RSRC1: variants seen among roughly 807,000 people sequenced by gnomAD.
The protein encoded by RSRC1 is serine/Arginine-related protein 53.
A neutral mutation model predicts 49.1 loss-of-function variants in RSRC1; 39 were observed. The ratio of observed to expected loss-of-function variants is 0.79; its 90% CI spans 0.61 to 1.04. The LOEUF (loss-of-function observed/expected upper bound fraction) is 1.04. RSRC1 is among the 50% of genes least tolerant of loss of function. The probability of loss-of-function intolerance (pLI) is 0.00; values close to 1 mark genes in which losing one functional copy is unlikely to be tolerated. For missense variants in RSRC1, 388 were observed against 402.4 expected, an observed-to-expected ratio of 0.96 and a Z score of 0.31; for synonymous variants, 143 against 130.8, an observed-to-expected ratio of 1.09 and a Z score of -0.63.
intron 3 of RSRC1, among the ~76,000 whole-genome samples, chr3:158,182,136 A>C (rs962681419): frequency 1.3e-5 from 2 of 152,110 alleles, no homozygotes; most frequent in African/African-American, 4.8e-5. Context: ...TTAAGTTCAT[A>C]ATGAAAAGAA....
intron 5 of RSRC1, among the ~76,000 whole-genome samples, chr3:158,330,888 TA>T (rs11303833): frequency 0.89 from 128,822 of 144,252 alleles, 57,606 homozygotes; most frequent in East Asian, 0.99. Flanking sequence ...GGTAACTTAT[TA>T]AAAAAAAAAA....
At position 158,225,675 on chromosome 3, in the gene RSRC1, T is replaced by A. The variant is rs1182966439; in HGVS notation, c.494+22430T>A. Reference sequence around the variant, plus strand: ...CTCACAGATTTCACCAAAAGAATTGTGAGAGGAAAAAGAAACTTACATCTA... The same window carrying A: ...CTCACAGATTTCACCAAAAGAATTGAGAGAGGAAAAAGAAACTTACATCTA... On this transcript the variant is annotated intron_variant, in intron 4 of 9. Transcript: ENST00000611884. The A allele has an allele frequency of 8.8e-6, 4 of 453,106 alleles. No homozygotes were observed. In the Admixed American group the frequency reaches 9.5e-5, roughly 11 times the overall value. The allele number at this position is 453,106 out of a possible 1,614,324, so 28.1% of individuals were successfully genotyped here. A position where few individuals can be genotyped will look rare whatever the true frequency, so the allele number is the denominator to read the frequency against.
intron 4 of RSRC1, among the ~76,000 whole-genome samples, chr3:158,244,031 TG>T (rs1461195195): frequency 2.7e-4 from 20 of 74,912 alleles, no homozygotes; most frequent in East Asian, 6.8e-4. Flanking sequence ...CTATTTGAAG[TG>T]GGGTTTTTTT....
rs34332147 is a variant in RSRC1, at chr3:158,540,578, TA to T, written c.760-2746del. On this transcript the variant is annotated intron_variant, in intron 8 of 9. Coordinates refer to ENST00000611884, the MANE Select transcript of RSRC1 (RefSeq NM_001271838.2). Reference sequence around the variant, plus strand: ...TTTTAATTGAATAAAACACATGCCTTAAAAAAAAAAAGTGGATCTTGATATC... The same window carrying T: ...TTTTAATTGAATAAAACACATGCCTTAAAAAAAAAAGTGGATCTTGATATC... 8.0e-3 allele frequency among the ~76,000 whole-genome samples: 1,175 copies of T among 146,174 alleles called. 15 individuals carry two copies. The highest frequency in any genetic ancestry group is 0.026 in the African/African-American group (1,036 of 40,006).
intron 3 of RSRC1, among the ~76,000 whole-genome samples, chr3:158,133,220 CTAAT>C (rs1261669196): frequency 3.3e-5 from 5 of 152,160 alleles, no homozygotes; most frequent in Admixed American, 1.3e-4. Flanking sequence ...ATTTTAATAT[CTAAT>C]TATGAAAATT....
intron 3 of RSRC1, among the ~76,000 whole-genome samples, chr3:158,141,928 T>C (rs1411784921): frequency 6.6e-6 from 1 of 152,030 alleles, no homozygotes; most frequent in East Asian, 1.9e-4. Flanking sequence ...TGAAACCCCG[T>C]CTCTACTAAA....
intron 5 of RSRC1, among the ~76,000 whole-genome samples, chr3:158,330,777 A>G (rs1275397496): frequency 6.6e-6 from 1 of 152,110 alleles, no homozygotes; most frequent in East Asian, 1.9e-4. Flanking sequence ...ATTGCTTTCT[A>G]TAAATATTAT....
chr3:158,459,212 T>C (rs1351615734), intron 6 of RSRC1, among the ~76,000 whole-genome samples: 1 of 152,050 alleles, frequency 6.6e-6, no homozygotes, highest in Non-Finnish European at 1.5e-5. Context: ...CCATTTGCAG[T>C]TTAAAAAAAA....
In RSRC1 at chr3:158,377,806, C is replaced by G. The variant is rs1269270107; in HGVS notation, c.583+22898C>G. On this transcript the variant is annotated intron_variant, in intron 6 of 9. Transcript: ENST00000611884. The stretch of plus-strand genomic sequence containing the variant: ...TCCCGAGTAGCTGAGATTGCAGGTG[C>G]CTGCCACCACACCCTGCTAATTTTT... Among the ~76,000 whole-genome samples, 4 of 152,038 alleles carry G rather than the reference C, an allele frequency of 2.6e-5. No homozygotes were observed. In the South Asian group the frequency reaches 6.2e-4, roughly 24 times the overall value.
intron 7 of RSRC1, among the ~76,000 whole-genome samples, chr3:158,497,671 G>T (rs540830439): frequency 2.0e-5 from 3 of 151,968 alleles, no homozygotes; most frequent in Admixed American, 2.0e-4. Context: ...TCTTGACCTC[G>T]TGATCCGCCT....
At chr3:158,444,788 A>G (rs541020748) in intron 6 of RSRC1, among the ~76,000 whole-genome samples, 1 of 152,316 alleles carries the variant, frequency 6.6e-6, no homozygotes, top group South Asian at 2.1e-4. Flanking sequence ...CAGAATCTAC[A>G]AAGAACTCAA....
intron 7 of RSRC1, among the ~76,000 whole-genome samples, chr3:158,520,023 C>T (rs74907076): frequency 5.9e-5 from 9 of 152,208 alleles, no homozygotes; most frequent in Admixed American, 4.6e-4. Flanking sequence ...GAAGTGGTCA[C>T]TTCTGTTGAA....
At chr3:158,432,887 A>G (rs1014340030) in intron 6 of RSRC1, among the ~76,000 whole-genome samples, 2 of 151,854 alleles carry the variant, frequency 1.3e-5, no homozygotes, top group East Asian at 3.9e-4. Context: ...ACACAGAGTG[A>G]GTCTATGTAT....
chr3:158,165,905 C>T (rs1359507341), intron 3 of RSRC1, among the ~76,000 whole-genome samples: 2 of 152,116 alleles, frequency 1.3e-5, no homozygotes, highest in Non-Finnish European at 2.9e-5. Flanking sequence ...CTAATTTGCT[C>T]CTGATTGATT....
chr3:158,466,447 AC>A (rs1311096613), intron 7 of RSRC1, among the ~76,000 whole-genome samples: 1 of 152,204 alleles, frequency 6.6e-6, no homozygotes. Context: ...ACTCAAAGCT[AC>A]AGGCTTTCTA....
At chr3:158,457,868 A>G (rs1737422791) in intron 6 of RSRC1, among the ~76,000 whole-genome samples, 1 of 152,034 alleles carries the variant, frequency 6.6e-6, no homozygotes, top group South Asian at 2.1e-4. Context: ...GAACAAGAAA[A>G]GGCAGTAGCT....
intron 3 of RSRC1, among the ~76,000 whole-genome samples, chr3:158,180,693 C>T (rs1719546947): frequency 6.6e-6 from 1 of 151,670 alleles, no homozygotes; most frequent in Non-Finnish European, 1.5e-5. Flanking sequence ...TCTCTCAACT[C>T]CTGGACTCAA....
intron 1 of RSRC1, among the ~76,000 whole-genome samples, chr3:158,120,589 T>G (rs555540226): frequency 1.1e-3 from 167 of 147,250 alleles, no homozygotes; most frequent in African/African-American, 3.9e-3. Flanking sequence ...ACAGTTAATA[T>G]TAAGTATTAT....
chr3:158,394,278 A>C (rs941546604), intron 6 of RSRC1, among the ~76,000 whole-genome samples: 3 of 152,106 alleles, frequency 2.0e-5, no homozygotes, highest in Non-Finnish European at 4.4e-5. Flanking sequence ...ACTCCTTTTC[A>C]ACATCGTATT....
Sources: gnomAD v4.1 joint callset for allele counts (sites outside exome capture counted in the v4.1 genomes callset) on GRCh38, gnomAD v4.1.1 for gene constraint, MANE v1.5 for transcripts, NCBI Gene and HGNC (gene_info 2026-07-23, HGNC 2026-07-21) for gene names.